The following WWOX variants were observed in gnomAD, a reference collection of about 807,000 sequenced individuals.
WWOX encodes WW domain-containing oxidoreductase.
A neutral mutation model predicts 46.2 loss-of-function variants in WWOX; 69 were observed. The observed-to-expected ratio is 1.49, with a 90% CI of 1.23 to 1.82. WWOX has a LOEUF of 1.82. WWOX is among the 40% of genes most tolerant of loss of function. The pLI is 0.00. For synonymous variants in WWOX, 359 were observed against 202.6 expected, an observed-to-expected ratio of 1.77 and a Z score of -6.56; for missense variants, 919 against 542.6, an observed-to-expected ratio of 1.69 and a Z score of -6.89.
intron 8 of WWOX, among the ~76,000 whole-genome samples, chr16:79,006,477 A>C (rs1290278987): frequency 6.6e-6 from 1 of 151,236 alleles, no homozygotes; most frequent in Non-Finnish European, 1.5e-5. Flanking sequence ...AAATTTCTTG[A>C]ATGCTTTTAG....
intron 8 of WWOX, among the ~76,000 whole-genome samples, chr16:78,867,411 C>T (rs2044027526): frequency 6.6e-6 from 1 of 152,064 alleles, no homozygotes; most frequent in Non-Finnish European, 1.5e-5. Context: ...ACTGGTGACT[C>T]TTCATAATCT....
At chr16:79,090,285 G>A (rs2048932532) in intron 8 of WWOX, among the ~76,000 whole-genome samples, 1 of 104,882 alleles carries the variant, frequency 9.5e-6, no homozygotes, top group Non-Finnish European at 2.0e-5. Flanking sequence ...GTGTGCGTGT[G>A]TGTGTGTGTG....
At chr16:78,829,312 C>T (rs528646916) in intron 8 of WWOX, among the ~76,000 whole-genome samples, 92 of 152,298 alleles carry the variant, frequency 6.0e-4, no homozygotes, top group South Asian at 1.4e-3. Flanking sequence ...AGAAGACAAG[C>T]ATCCCAGGTT....
At chr16:78,341,733 G>A (rs928767310) in intron 5 of WWOX, among the ~76,000 whole-genome samples, 1 of 120,628 alleles carries the variant, frequency 8.3e-6, no homozygotes, top group African/African-American at 2.8e-5. Flanking sequence ...TGGGTGGCAG[G>A]TCAGTGTTGC....
At chr16:78,754,272 C>T (rs2049576832) in intron 8 of WWOX, among the ~76,000 whole-genome samples, 1 of 152,034 alleles carries the variant, frequency 6.6e-6, no homozygotes, top group Admixed American at 6.6e-5. Context: ...CCTTAAGGGC[C>T]ACTGATGAGC....
intron 8 of WWOX, among the ~76,000 whole-genome samples, chr16:78,936,640 C>T (rs552561584): frequency 2.6e-5 from 4 of 152,100 alleles, no homozygotes; most frequent in Non-Finnish European, 5.9e-5. Context: ...TGGAACATGT[C>T]TTGATTGTAC....
intron 8 of WWOX, among the ~76,000 whole-genome samples, chr16:79,064,566 T>A (rs1427284158): frequency 1.3e-5 from 2 of 152,182 alleles, no homozygotes; most frequent in Non-Finnish European, 2.9e-5. Flanking sequence ...CGGATTCTCA[T>A]GTGGCTTATC....
At chr16:78,216,707 A>G (rs2036733781) in intron 5 of WWOX, among the ~76,000 whole-genome samples, 1 of 150,916 alleles carries the variant, frequency 6.6e-6, no homozygotes, top group African/African-American at 2.4e-5. Flanking sequence ...TGGCCCACCT[A>G]GATAACCAGG....
chr16:78,767,015 C>T (rs1245009479), intron 8 of WWOX, among the ~76,000 whole-genome samples: 2 of 152,072 alleles, frequency 1.3e-5, no homozygotes, highest in African/African-American at 4.8e-5. Context: ...AAGGTCAATC[C>T]ATATTGTAGC....
intron 8 of WWOX, among the ~76,000 whole-genome samples, chr16:78,949,011 A>G (rs972784150): frequency 3.9e-5 from 6 of 152,136 alleles, no homozygotes; most frequent in African/African-American, 1.4e-4. Context: ...GGCTAGAAAT[A>G]TGGGCGGCCC....
At chr16:79,146,724 G>A (rs913071030) in intron 8 of WWOX, among the ~76,000 whole-genome samples, 2 of 152,100 alleles carry the variant, frequency 1.3e-5, no homozygotes, top group Non-Finnish European at 2.9e-5. Flanking sequence ...AGAATTAGGT[G>A]GTCAGAAAGG....
Position 78,139,216 on chromosome 16 carries a change from T to A in WWOX, c.409+24062T>A, listed in dbSNP as rs546370205. Among the ~76,000 whole-genome samples, 6 of 152,248 alleles carry A rather than the reference T, an allele frequency of 3.9e-5. No homozygotes were observed. In the South Asian group the frequency reaches 1.0e-3, roughly 26 times the overall value. On this transcript the variant is annotated intron_variant, in intron 4 of 8. Coordinates refer to ENST00000566780, the MANE Select transcript of WWOX (RefSeq NM_016373.4). Reference sequence around the variant, plus strand: ...CAGTAGCTATCTAGGAGAGAGATAATCCTAGCTTTCTTCAAGGGACAGAAC... The same window carrying A: ...CAGTAGCTATCTAGGAGAGAGATAAACCTAGCTTTCTTCAAGGGACAGAAC...
intron 8 of WWOX, among the ~76,000 whole-genome samples, chr16:78,507,738 A>G (rs907288202): frequency 4.6e-5 from 7 of 152,038 alleles, no homozygotes; most frequent in Non-Finnish European, 8.8e-5. Context: ...TAGAGGAGGA[A>G]ACACAGTCTT....
chr16:78,174,106 A>C (rs1199250663), intron 5 of WWOX, among the ~76,000 whole-genome samples: 1 of 152,184 alleles, frequency 6.6e-6, no homozygotes, highest in Non-Finnish European at 1.5e-5. Context: ...CACCATAATA[A>C]TTTTGGAGGG....
intron 8 of WWOX, among the ~76,000 whole-genome samples, chr16:79,053,368 T>C (rs990584623): frequency 1.3e-5 from 2 of 152,174 alleles, no homozygotes; most frequent in African/African-American, 4.8e-5. Flanking sequence ...TGCTTCTTAG[T>C]GCGCACGTAA....
chr16:79,016,030 T>G (rs886684812), intron 8 of WWOX: 1 of 152,250 alleles, frequency 6.6e-6, no homozygotes, highest in African/African-American at 2.4e-5. Flanking sequence ...ATTACAGACG[T>G]AAGTCACCAC....
chr16:78,876,205 CTTTCT>C (rs762038572), intron 8 of WWOX, among the ~76,000 whole-genome samples: 28 of 137,578 alleles, frequency 2.0e-4, no homozygotes, highest in Non-Finnish European at 4.1e-4. Context: ...GGTTTTTTTC[CTTTCT>C]TTTTTTTTTT....
At chr16:78,660,116 G>T (rs1357093739) in intron 8 of WWOX, among the ~76,000 whole-genome samples, 3 of 152,250 alleles carry the variant, frequency 2.0e-5, no homozygotes, top group Admixed American at 1.3e-4. Context: ...AAGCTTTTTG[G>T]ATCCTCTGTT....
chr16:79,067,233 A>G (rs2048458202), intron 8 of WWOX, among the ~76,000 whole-genome samples: 1 of 152,144 alleles, frequency 6.6e-6, no homozygotes, highest in Admixed American at 6.5e-5. Context: ...ACTATCGAGA[A>G]CGATTGCTTT....
Sources: allele counts gnomAD v4.1 joint callset (sites outside exome capture counted in the v4.1 genomes callset), GRCh38; gene constraint gnomAD v4.1.1; transcripts MANE v1.5; gene names NCBI Gene and HGNC (gene_info 2026-07-23, HGNC 2026-07-21).